The following WASF1 variants were observed in gnomAD, a reference collection of about 807,000 sequenced individuals.
WASF1 encodes the protein actin-binding protein WASF1.
A neutral mutation model predicts 50.5 loss-of-function variants in WASF1; 7 were observed. The observed-to-expected ratio is 0.14, with a 90% CI of 0.08 to 0.26. The LOEUF is 0.26. Ranked by LOEUF, WASF1 falls within the 10% of genes least tolerant of loss-of-function variation. The pLI is 1.00. For synonymous variants in WASF1, 205 were observed against 244.0 expected (o/e 0.84, Z 1.49); for missense variants, 470 against 694.7 (o/e 0.68, Z 3.64).
chr6:110,108,829 A>C, intron 5 of WASF1, 148 bp from the exon 6 acceptor site: 1 of 679,994 alleles, frequency 1.5e-6, no homozygotes, highest in Non-Finnish European at 2.4e-6. Flanking sequence ...CCATATTTTA[A>C]ATGTTCTATC....
intron 4 of WASF1, 66 bp from the exon 5 acceptor site, chr6:110,113,526 A>C: frequency 7.1e-7 from 1 of 1,399,894 alleles, no homozygotes; most frequent in Non-Finnish European, 9.6e-7. Flanking sequence ...TATCTTTGCA[A>C]GCAGTAGAAA....
chr6:110,111,557 C>T (rs374111027), intron 5 of WASF1, among the ~76,000 whole-genome samples: 48 of 152,282 alleles, frequency 3.2e-4, no homozygotes, highest in African/African-American at 1.1e-3. Flanking sequence ...CCTGTAAGCA[C>T]ATGAAAACAT....
At chr6:110,119,173 A>G (rs1244807670) in intron 4 of WASF1, among the ~76,000 whole-genome samples, 1 of 152,202 alleles carries the variant, frequency 6.6e-6, no homozygotes, top group Non-Finnish European at 1.5e-5. Context: ...AGCTAGCAGA[A>G]GGCAAGAGAT....
intron 2 of WASF1, among the ~76,000 whole-genome samples, chr6:110,167,232 T>C (rs1386796150): frequency 1.3e-5 from 2 of 151,950 alleles, no homozygotes; most frequent in Admixed American, 6.6e-5. Context: ...TAAACTACTA[T>C]ATTACTGGTT....
In WASF1 at chr6:110,153,387, G is replaced by A. The variant is rs150916660; in HGVS notation, c.-29+7248C>T. Among the ~76,000 whole-genome samples the A allele has an allele frequency of 6.5e-4, 99 of 152,130 alleles. No homozygotes were observed. The East Asian group carries it at 0.018, about 28-fold the overall frequency. On this transcript the variant is annotated intron_variant, in intron 3 of 10. Transcript: ENST00000392589. ...TTATGGCAGATAAAAATAACTAGCT[G>A]TACAATGTAATGATAAACTGACATT...
At chr6:110,120,004 A>G (rs1413650348) in intron 4 of WASF1, among the ~76,000 whole-genome samples, 1 of 152,214 alleles carries the variant, frequency 6.6e-6, no homozygotes, top group Non-Finnish European at 1.5e-5. Context: ...GTCATGCTAA[A>G]AACTCTCAAT....
chr6:110,169,557 C>T (rs1421544446), intron 2 of WASF1, among the ~76,000 whole-genome samples: 1 of 152,120 alleles, frequency 6.6e-6, no homozygotes, highest in Non-Finnish European at 1.5e-5. Flanking sequence ...TTTGATGGTA[C>T]ACAAATCTGA....
At chr6:110,101,489 C>T (rs962466144) in intron 10 of WASF1, 99 bp downstream of exon 10, 3 of 1,466,292 alleles carry the variant, frequency 2.0e-6, no homozygotes, top group African/African-American at 2.8e-5. Flanking sequence ...AACATGATCA[C>T]CTAAAATTTT....
intron 3 of WASF1, among the ~76,000 whole-genome samples, chr6:110,145,973 G>A (rs113509145): frequency 7.5e-6 from 1 of 133,538 alleles, no homozygotes; most frequent in African/African-American, 2.8e-5. Flanking sequence ...CACACACCGG[G>A]GACTGTTGTG....
intron 5 of WASF1, among the ~76,000 whole-genome samples, chr6:110,111,975 AT>A (rs558142442): frequency 2.1e-4 from 32 of 151,812 alleles, no homozygotes; most frequent in Non-Finnish European, 4.4e-4. Flanking sequence ...TTTTTTAAGT[AT>A]TATTTCCTTT....
In WASF1 at chr6:110,150,611, A is replaced by T. The variant is rs544465414; in HGVS notation, c.-29+10024T>A. On this transcript the variant is annotated intron_variant, in intron 3 of 10. Transcript: ENST00000392589. ...ATCACAAGTAAAACAGCAAGTTGAG[A>T]ATAAGAGAGGAAAAATAAGGACACT... Among the ~76,000 whole-genome samples, 5 of 152,330 alleles carry T rather than the reference A, an allele frequency of 3.3e-5. No individual in the cohort carries two copies. The East Asian group carries it at 9.6e-4, about 29-fold the overall frequency.
chr6:110,104,868 G>C (rs1448814652), intron 8 of WASF1, among the ~76,000 whole-genome samples: 1 of 152,166 alleles, frequency 6.6e-6, no homozygotes, highest in Non-Finnish European at 1.5e-5. Context: ...TTTGCTGGTA[G>C]TATGTTATTT....
intron 3 of WASF1, among the ~76,000 whole-genome samples, chr6:110,150,670 A>AT (rs200362227): frequency 0.013 from 1,947 of 152,286 alleles, 49 homozygotes; most frequent in African/African-American, 0.044. Context: ...GGAATAAAAG[A>AT]TTTTTTAAAA....
intron 3 of WASF1, among the ~76,000 whole-genome samples, chr6:110,135,721 C>CTTTTTTTTA (rs1774919877): frequency 1.4e-5 from 1 of 73,518 alleles, no homozygotes; most frequent in African/African-American, 5.2e-5. Context: ...GGAAGATTAT[C>CTTTTTTTTA]TTTTTTTTTT....
intron 2 of WASF1, among the ~76,000 whole-genome samples, chr6:110,167,318 A>G (rs1366996294): frequency 6.6e-6 from 1 of 151,598 alleles, no homozygotes; most frequent in African/African-American, 2.4e-5. Flanking sequence ...TTTCAAAGTT[A>G]GAAAGAGCCT....
intron 3 of WASF1, among the ~76,000 whole-genome samples, chr6:110,144,710 T>C (rs924153464): frequency 2.0e-5 from 3 of 152,244 alleles, no homozygotes; most frequent in Non-Finnish European, 4.4e-5. Context: ...GCACCATTTA[T>C]TAAATAGGGA....
intron 9 of WASF1, among the ~76,000 whole-genome samples, chr6:110,102,455 CT>C (rs2114448356): frequency 6.6e-6 from 1 of 151,986 alleles, no homozygotes; most frequent in African/African-American, 2.4e-5. Context: ...GTCTCATTCT[CT>C]CATGCAACTT....
chr6:110,162,572 G>A (rs781061342), intron 2 of WASF1, among the ~76,000 whole-genome samples: 5 of 151,132 alleles, frequency 3.3e-5, no homozygotes, highest in Admixed American at 3.3e-4. Context: ...AGGACCAAGT[G>A]AGATTCATCC....
intron 3 of WASF1, among the ~76,000 whole-genome samples, chr6:110,147,345 C>CA (rs575990346): frequency 0.08 from 6,005 of 74,828 alleles, 175 homozygotes; most frequent in South Asian, 0.19. Context: ...GACTCCGTCT[C>CA]AAAAAAAAAA....
Sources: gnomAD v4.1 joint callset for allele counts (sites outside exome capture counted in the v4.1 genomes callset) on GRCh38, gnomAD v4.1.1 for gene constraint, MANE v1.5 for transcripts, NCBI Gene and HGNC (gene_info 2026-07-23, HGNC 2026-07-21) for gene names.